Variants in HNRNPA1L2 observed in about 807,000 individuals in gnomAD.
The protein encoded by HNRNPA1L2 is heterogeneous nuclear ribonucleoprotein A1-like 2.
Under a neutral mutation model 18.2 loss-of-function variants are expected in HNRNPA1L2, and 10 were observed. The ratio of observed to expected loss-of-function variants is 0.55; its 90% CI spans 0.34 to 0.93. The LOEUF (loss-of-function observed/expected upper bound fraction) is 0.93, where lower values mean the gene tolerates loss of function less well. HNRNPA1L2 is among the 40% of genes least tolerant of loss of function. The probability of loss-of-function intolerance (pLI) is 0.02; values close to 1 mark genes in which losing one functional copy is unlikely to be tolerated. For missense variants in HNRNPA1L2, 308 were observed against 394.4 expected (o/e 0.78, Z 1.85); for synonymous variants, 124 against 138.6 (o/e 0.89, Z 0.74).
At chr13:52,631,066 G>C in the HNRNPA1L2 span, among the ~76,000 whole-genome samples, 3 of 152,148 alleles carry the variant, frequency 2.0e-5, no homozygotes, top group Non-Finnish European at 4.4e-5. Context: ...CCAGCTAAAG[G>C]GGAGTAAGGG....
the HNRNPA1L2 span, chr13:52,627,657 C>T: frequency 6.6e-6 from 1 of 152,330 alleles, no homozygotes; most frequent in African/African-American, 2.4e-5. Context: ...AAGTAATACA[C>T]ATAATATATA....
At chr13:52,631,431 C>T in the HNRNPA1L2 span, among the ~76,000 whole-genome samples, 8 of 152,306 alleles carry the variant, frequency 5.3e-5, no homozygotes, top group Non-Finnish European at 1.0e-4. Context: ...AAGTTCAGTG[C>T]TTTACCAAGG....
rs1961738183 is a variant in HNRNPA1L2 at position 52,643,524 on chromosome 13, T to G, written c.*69T>G. 1 of 1,383,830 alleles carries G rather than the reference T, an allele frequency of 7.2e-7. No homozygotes were observed. The highest frequency in any genetic ancestry group is 1.0e-6 in the Non-Finnish European group (1 of 991,704). 85.7% of individuals were successfully genotyped at this position (1,383,830 alleles called of 1,614,324 possible). A position where few individuals can be genotyped will look rare whatever the true frequency, so the allele number is the denominator to read the frequency against. On this transcript the variant is annotated 3_prime_UTR_variant, in exon 1 of 1. Coordinates refer to ENST00000357495, the MANE Select transcript of HNRNPA1L2 (RefSeq NM_001389320.1). ...CAGGGAAGCTACAGGTTACAACAGATTTGTGAACTCAGCCAAGCACAGTGG... is the reference window on the plus strand; with the variant it reads ...CAGGGAAGCTACAGGTTACAACAGAGTTGTGAACTCAGCCAAGCACAGTGG...
At chr13:52,635,835 T>G in the HNRNPA1L2 span, among the ~76,000 whole-genome samples, 1 of 150,708 alleles carries the variant, frequency 6.6e-6, no homozygotes, top group Non-Finnish European at 1.5e-5. Context: ...ATTACTGTTT[T>G]TTTTTTTTTT....
the HNRNPA1L2 span, chr13:52,627,304 TATTGA>T: frequency 6.6e-6 from 1 of 152,284 alleles, no homozygotes; most frequent in Admixed American, 6.5e-5. Context: ...TTTTGTCAGA[TATTGA>T]ATTGAATGAT....
chr13:52,630,959 A>G, the HNRNPA1L2 span, among the ~76,000 whole-genome samples: 1 of 152,266 alleles, frequency 6.6e-6, no homozygotes, highest in Non-Finnish European at 1.5e-5. Context: ...TTGATTTTTA[A>G]TATTAGATTT....
Position 52,643,076 on chromosome 13 carries a change from G to T in HNRNPA1L2, c.584G>T (p.Gly195Val), listed in dbSNP as rs765616918. 1 of 1,597,684 alleles carries T rather than the reference G, an allele frequency of 6.3e-7. No individual in the cohort carries two copies. The highest frequency in any genetic ancestry group is 1.1e-5 in the South Asian group (1 of 90,984). ...EMASASSSQR[G>V]RRGSGNFGGG... The stretch of plus-strand genomic sequence containing the variant: ...GCTAGTGCTTCATCCAGCCAAAGAG[G>T]TCGAAGGGGTTCTGGAAACTTTGGT... The change falls in exon 1 of 1, where the codon GGT (glycine) becomes GTT (valine). Residue 195 changes from glycine (G) to valine (V), a missense_variant. Transcript: ENST00000357495.
chr13:52,635,831 G>GTTTTTTTTTTTTTT, the HNRNPA1L2 span, among the ~76,000 whole-genome samples: 1 of 131,784 alleles, frequency 7.6e-6, no homozygotes, highest in Non-Finnish European at 1.6e-5. Flanking sequence ...CTGTATTACT[G>GTTTTTTTTTTTTTT]TTTTTTTTTT....
the HNRNPA1L2 span, among the ~76,000 whole-genome samples, chr13:52,633,879 A>G: frequency 6.6e-6 from 1 of 152,168 alleles, no homozygotes; most frequent in Admixed American, 6.5e-5. Flanking sequence ...GACTCATTTA[A>G]TCTTTCTACC....
the HNRNPA1L2 span, among the ~76,000 whole-genome samples, chr13:52,621,627 G>A: frequency 6.6e-6 from 1 of 152,256 alleles, no homozygotes; most frequent in East Asian, 1.9e-4. Flanking sequence ...CCAAGGAGCA[G>A]GTGATCAATA....
At chr13:52,618,548 G>C in the HNRNPA1L2 span, among the ~76,000 whole-genome samples, 11 of 152,326 alleles carry the variant, frequency 7.2e-5, no homozygotes, top group Non-Finnish European at 1.6e-4. Context: ...ATGGGATAAT[G>C]GTAGGGTGGT....
chr13:52,629,944 C>T, the HNRNPA1L2 span, among the ~76,000 whole-genome samples: 4 of 152,084 alleles, frequency 2.6e-5, no homozygotes, highest in South Asian at 2.1e-4. Flanking sequence ...AAAAATTAGC[C>T]GGACGTGGTG....
At chr13:52,639,256 G>C (rs1448799002), upstream of HNRNPA1L2, among the ~76,000 whole-genome samples, 1 of 152,154 alleles carries the variant, frequency 6.6e-6, no homozygotes, top group Non-Finnish European at 1.5e-5. Flanking sequence ...AAAAGAATTT[G>C]TGTTAGATGA....
chr13:52,631,742 G>A, the HNRNPA1L2 span, among the ~76,000 whole-genome samples: 1 of 152,208 alleles, frequency 6.6e-6, no homozygotes, highest in African/African-American at 2.4e-5. Context: ...ATTTTAATCT[G>A]CCAGTAAGTT....
the HNRNPA1L2 span, among the ~76,000 whole-genome samples, chr13:52,620,796 G>A: frequency 6.6e-6 from 1 of 152,082 alleles, no homozygotes; most frequent in East Asian, 1.9e-4. Flanking sequence ...AGGATCGCCG[G>A]AGCCTGGGGA....
the HNRNPA1L2 span, among the ~76,000 whole-genome samples, chr13:52,626,393 C>T: frequency 2.0e-4 from 29 of 147,750 alleles, no homozygotes. Flanking sequence ...GACTTCGAGG[C>T]CAGACTTCAC....
chr13:52,631,396 T>G, the HNRNPA1L2 span, among the ~76,000 whole-genome samples: 1 of 152,304 alleles, frequency 6.6e-6, no homozygotes, highest in South Asian at 2.1e-4. Flanking sequence ...TCCATTCCCT[T>G]TCTCTGTTGT....
upstream of HNRNPA1L2, among the ~76,000 whole-genome samples, chr13:52,639,694 C>CAAAAAAAAAAAAAAAAAAAAAAAAAA (rs10661534): frequency 2.0e-4 from 15 of 73,542 alleles, no homozygotes; most frequent in African/African-American, 7.8e-4. Flanking sequence ...GACCCTGTCT[C>CAAAAAAAAAAAAAAAAAAAAAAAAAA]AAAAAAAAAA....
the HNRNPA1L2 span, among the ~76,000 whole-genome samples, chr13:52,621,351 G>C: frequency 2.6e-5 from 4 of 152,116 alleles, no homozygotes; most frequent in Non-Finnish European, 5.9e-5. Flanking sequence ...AGCTTGATGA[G>C]AATGTTGATC....
Sources: gnomAD v4.1 joint callset for allele counts (sites outside exome capture counted in the v4.1 genomes callset) on GRCh38, gnomAD v4.1.1 for gene constraint, MANE v1.5 for transcripts, NCBI Gene and HGNC (gene_info 2026-07-23, HGNC 2026-07-21) for gene names.